ADCY9: variants seen among roughly 807,000 people sequenced by gnomAD.
ADCY9 encodes the protein adenylate cyclase type 9.
A neutral mutation model predicts 101.5 loss-of-function variants in ADCY9; 50 were observed. The ratio of observed to expected loss-of-function variants is 0.49; its 90% CI spans 0.39 to 0.62. ADCY9 has a LOEUF of 0.62. Among genes scored for constraint, ADCY9 ranks in the 20% least tolerant of loss-of-function variants. ADCY9 has a pLI of 0.00. For missense variants in ADCY9, 1,662 were observed against 1,800.4 expected, an observed-to-expected ratio of 0.92 and a Z score of 1.39; for synonymous variants, 905 against 769.3, an observed-to-expected ratio of 1.18 and a Z score of -2.92.
chr16:4,022,269 A>C (rs1452047853), intron 2 of ADCY9, among the ~76,000 whole-genome samples: 23 of 152,006 alleles, frequency 1.5e-4, no homozygotes, highest in Admixed American at 1.5e-3. Flanking sequence ...AGGTGGGAGG[A>C]TCACTTGAGG....
intron 2 of ADCY9, among the ~76,000 whole-genome samples, chr16:4,036,813 C>T (rs2056593404): frequency 6.6e-6 from 1 of 151,860 alleles, no homozygotes; most frequent in Non-Finnish European, 1.5e-5. Context: ...AATAATATTA[C>T]TCTGCTCTCA....
At chr16:3,977,341 T>G in intron 9 of ADCY9, 141 bp downstream of exon 9, 1 of 1,087,414 alleles carries the variant, frequency 9.2e-7, no homozygotes, top group South Asian at 1.6e-5. Flanking sequence ...GTATGATGTG[T>G]GCTGACAGCT....
chr16:4,006,866 CTA>C (rs1342279251), intron 3 of ADCY9, among the ~76,000 whole-genome samples: 2 of 152,288 alleles, frequency 1.3e-5, no homozygotes, highest in African/African-American at 4.8e-5. Context: ...TAATGAAATA[CTA>C]CAATGTTCTC....
At chr16:4,063,974 T>A (rs2056786807) in intron 2 of ADCY9, among the ~76,000 whole-genome samples, 1 of 152,148 alleles carries the variant, frequency 6.6e-6, no homozygotes, top group African/African-American at 2.4e-5. Flanking sequence ...AAAAGAAATT[T>A]AAAAGACACA....
chr16:4,097,487 T>TATATACATACATACACAC (rs76750792), intron 2 of ADCY9, among the ~76,000 whole-genome samples: 3 of 72,514 alleles, frequency 4.1e-5, no homozygotes, highest in Non-Finnish European at 8.0e-5. Context: ...TATATATATA[T>TATATACATACATACACAC]ACACACACAC....
At chr16:3,986,272 T>A (rs2056192450) in intron 6 of ADCY9, among the ~76,000 whole-genome samples, 1 of 152,110 alleles carries the variant, frequency 6.6e-6, no homozygotes, top group Non-Finnish European at 1.5e-5. Flanking sequence ...CCCAGCACAA[T>A]GAGTCCCCAA....
At chr16:4,069,515 A>C (rs1223752187) in intron 2 of ADCY9, among the ~76,000 whole-genome samples, 1 of 152,084 alleles carries the variant, frequency 6.6e-6, no homozygotes, top group Non-Finnish European at 1.5e-5. Context: ...ACAACGAATA[A>C]ATAGAATATA....
chr16:4,112,834 T>C (rs543942631), intron 2 of ADCY9, among the ~76,000 whole-genome samples: 2 of 152,056 alleles, frequency 1.3e-5, no homozygotes, highest in Non-Finnish European at 2.9e-5. Context: ...GGGGAAGAAA[T>C]GTAGCAGATT....
chr16:3,977,499 G>C lies in ADCY9; in HGVS notation c.2811C>G (p.Val937=), dbSNP rs562312155. The C allele has an allele frequency of 5.1e-6, 8 of 1,570,672 alleles. 1 individual carries two copies. In the South Asian group the frequency reaches 9.3e-5, roughly 18 times the overall value. The change falls in exon 9 of 11, where the codon GTC becomes GTG. Residue 937 remains valine, a synonymous_variant. Coordinates refer to ENST00000294016, the MANE Select transcript of ADCY9 (RefSeq NM_001116.4). ...CCGCGTACCTGTCTGGGCACAGGGA[G>C]ACGTAGAGCAGGAGCAGCGGCCCGG... ...VGAGPLLLLY[V]SLCPDSSVLT... is the part of the protein sequence containing the mutation.
At chr16:4,108,149 G>T (rs1307925213) in intron 2 of ADCY9, among the ~76,000 whole-genome samples, 1 of 152,170 alleles carries the variant, frequency 6.6e-6, no homozygotes, top group African/African-American at 2.4e-5. Flanking sequence ...CACGGGAAAA[G>T]AAGATGCCTG....
chr16:4,011,115 G>A (rs1396021887), intron 2 of ADCY9, among the ~76,000 whole-genome samples: 1 of 152,170 alleles, frequency 6.6e-6, no homozygotes, highest in Non-Finnish European at 1.5e-5. Flanking sequence ...AGAACTGAAA[G>A]ACGGGGCGAG....
At chr16:3,998,572 G>A (rs764743264) in intron 3 of ADCY9, among the ~76,000 whole-genome samples, 5 of 151,622 alleles carry the variant, frequency 3.3e-5, no homozygotes, top group African/African-American at 1.2e-4. Context: ...AGCCTGGCGT[G>A]GTGGTGCACA....
intron 2 of ADCY9, among the ~76,000 whole-genome samples, chr16:4,048,672 C>A (rs2056681623): frequency 6.6e-6 from 1 of 152,142 alleles, no homozygotes; most frequent in African/African-American, 2.4e-5. Flanking sequence ...CACAGCGATG[C>A]CCCACTCCCT....
intron 2 of ADCY9, among the ~76,000 whole-genome samples, chr16:4,106,913 CT>C (rs1398496584): frequency 1.3e-5 from 2 of 152,210 alleles, no homozygotes; most frequent in East Asian, 3.8e-4. Flanking sequence ...CTAATTGTTC[CT>C]TCTCCATGTT....
Position 3,966,985 on chromosome 16 carries a change from G to C in ADCY9, c.2871-19C>G. 1.3e-6 allele frequency: 2 copies of C among 1,595,256 alleles called. No homozygotes were observed. Among genetic ancestry groups the C allele is most frequent in the Non-Finnish European group, 1.7e-6 (2 of 1,168,654 alleles). On this transcript the variant is annotated intron_variant, in intron 10 of 10. Transcript: ENST00000294016. Reference sequence around the variant, plus strand: ...CTCGGAACTGGAGAGCAAAGACACGGGAAAGGGAGAGGTTACTGCTCGGCG... The same window carrying C: ...CTCGGAACTGGAGAGCAAAGACACGCGAAAGGGAGAGGTTACTGCTCGGCG...
chr16:3,982,428 G>A (rs2056151649), intron 7 of ADCY9: 1 of 152,288 alleles, frequency 6.6e-6, no homozygotes, highest in Non-Finnish European at 1.5e-5. Flanking sequence ...TCCTGTTGAG[G>A]GTGACAGGAC....
intron 2 of ADCY9, among the ~76,000 whole-genome samples, chr16:4,067,129 G>C (rs1281555591): frequency 6.6e-6 from 1 of 152,088 alleles, no homozygotes; most frequent in African/African-American, 2.4e-5. Flanking sequence ...CACAGAATGG[G>C]GGGAGATGAG....
intron 2 of ADCY9, among the ~76,000 whole-genome samples, chr16:4,103,857 T>C (rs1459502771): frequency 6.6e-6 from 1 of 152,012 alleles, no homozygotes; most frequent in Non-Finnish European, 1.5e-5. Flanking sequence ...AAAAAAAGAA[T>C]GTCCCAGATG....
intron 3 of ADCY9, among the ~76,000 whole-genome samples, chr16:4,003,842 G>A (rs1331366579): frequency 1.3e-5 from 2 of 152,106 alleles, no homozygotes; most frequent in East Asian, 1.9e-4. Context: ...GCGTCCTCAT[G>A]TCTAATGCTT....
Sources: allele counts gnomAD v4.1 joint callset (sites outside exome capture counted in the v4.1 genomes callset), GRCh38; gene constraint gnomAD v4.1.1; transcripts MANE v1.5; gene names NCBI Gene and HGNC (gene_info 2026-07-23, HGNC 2026-07-21).